The following PTPRD variants were observed in gnomAD, a reference collection of about 807,000 sequenced individuals.
The protein encoded by PTPRD is receptor-type tyrosine-protein phosphatase delta.
PTPRD carries 34 observed loss-of-function variants against 214.5 expected under a neutral mutation model. The ratio of observed to expected loss-of-function variants is 0.16; its 90% CI spans 0.12 to 0.21. The LOEUF (loss-of-function observed/expected upper bound fraction) is 0.21, where lower values mean the gene tolerates loss of function less well. PTPRD is among the 10% of genes least tolerant of loss of function. The probability of loss-of-function intolerance (pLI) is 1.00; values close to 1 mark genes in which losing one functional copy is unlikely to be tolerated. For missense variants in PTPRD, 2,545 were observed against 2,398.7 expected, an observed-to-expected ratio of 1.06 and a Z score of -1.27; for synonymous variants, 1,128 against 845.7, an observed-to-expected ratio of 1.33 and a Z score of -5.79.
At chr9:9,131,629 T>G (rs935868485) in intron 10 of PTPRD, among the ~76,000 whole-genome samples, 4 of 152,186 alleles carry the variant, frequency 2.6e-5, no homozygotes, top group Non-Finnish European at 5.9e-5. Context: ...TGGACTTTGC[T>G]TAAGTATGGA....
chr9:8,352,478 G>T (rs1367079966), intron 39 of PTPRD, among the ~76,000 whole-genome samples: 4 of 152,066 alleles, frequency 2.6e-5, no homozygotes, highest in Non-Finnish European at 4.4e-5. Context: ...ATACAAAATT[G>T]CCCACTTTTT....
chr9:10,028,960 G>A (rs1043440346), intron 4 of PTPRD, among the ~76,000 whole-genome samples: 3 of 152,092 alleles, frequency 2.0e-5, no homozygotes, highest in African/African-American at 4.8e-5. Context: ...GAGATGGCAG[G>A]GTGGGGCCCA....
intron 2 of PTPRD, among the ~76,000 whole-genome samples, chr9:10,484,412 A>G (rs1589215759): frequency 6.6e-6 from 1 of 152,140 alleles, no homozygotes; most frequent in East Asian, 1.9e-4. Flanking sequence ...CTATGTAACC[A>G]AAAACCACTT....
At chr9:9,902,044 G>T (rs540344583) in intron 5 of PTPRD, among the ~76,000 whole-genome samples, 1 of 152,188 alleles carries the variant, frequency 6.6e-6, no homozygotes, top group Non-Finnish European at 1.5e-5. Flanking sequence ...CTAAAATTTA[G>T]CTAATAGGTC....
At chr9:9,909,228 A>C (rs1240687258) in intron 5 of PTPRD, among the ~76,000 whole-genome samples, 1 of 151,872 alleles carries the variant, frequency 6.6e-6, no homozygotes, top group Non-Finnish European at 1.5e-5. Flanking sequence ...CTGTGTGCTT[A>C]GAGTGTATTT....
At chr9:8,690,605 CAA>C (rs1257653430) in intron 12 of PTPRD, among the ~76,000 whole-genome samples, 1 of 151,188 alleles carries the variant, frequency 6.6e-6, no homozygotes, top group Admixed American at 6.6e-5. Flanking sequence ...CAAGAGAACA[CAA>C]TATGTTTCTC....
intron 5 of PTPRD, among the ~76,000 whole-genome samples, chr9:9,916,926 C>CA (rs552395382): frequency 1.3e-5 from 2 of 151,328 alleles, no homozygotes; most frequent in African/African-American, 4.9e-5. Context: ...TGAAATAATA[C>CA]AAATTAATGG....
At chr9:8,555,007 G>T (rs564663049) in intron 14 of PTPRD, among the ~76,000 whole-genome samples, 1 of 152,134 alleles carries the variant, frequency 6.6e-6, no homozygotes, top group South Asian at 2.1e-4. Flanking sequence ...ATAAAAAATT[G>T]TTCCTCCAGA....
At chr9:8,929,611 T>C (rs1389540858) in intron 11 of PTPRD, among the ~76,000 whole-genome samples, 1 of 151,468 alleles carries the variant, frequency 6.6e-6, no homozygotes, top group African/African-American at 2.4e-5. Flanking sequence ...TTGAGGATTT[T>C]TGCATCGATG....
chr9:8,688,438 G>A (rs935198967), intron 12 of PTPRD, among the ~76,000 whole-genome samples: 1 of 151,848 alleles, frequency 6.6e-6, no homozygotes, highest in Admixed American at 6.6e-5. Flanking sequence ...GGTGGTGGGC[G>A]CCTGTAGTCC....
At chr9:8,668,868 C>T (rs75574274) in intron 12 of PTPRD, among the ~76,000 whole-genome samples, 112 of 152,238 alleles carry the variant, frequency 7.4e-4, no homozygotes, top group Middle Eastern at 6.8e-3. Context: ...TTGCAGTGAG[C>T]AAGCCAGAAG....
chr9:10,391,777 A>G (rs924134081), intron 2 of PTPRD, among the ~76,000 whole-genome samples: 7 of 151,732 alleles, frequency 4.6e-5, no homozygotes, highest in African/African-American at 1.2e-4. Flanking sequence ...ACAAATTCCA[A>G]TGGGTTCCCA....
intron 11 of PTPRD, among the ~76,000 whole-genome samples, chr9:8,926,424 A>AT (rs1353141015): frequency 5.9e-5 from 9 of 152,062 alleles, no homozygotes; most frequent in African/African-American, 2.2e-4. Flanking sequence ...ATTTTAGTAA[A>AT]TTTTATCTCG....
At chr9:10,139,785 G>T (rs1182754168) in intron 3 of PTPRD, among the ~76,000 whole-genome samples, 2 of 152,026 alleles carry the variant, frequency 1.3e-5, no homozygotes, top group Non-Finnish European at 2.9e-5. Context: ...AATAAGGAAT[G>T]GGGCAAAGAT....
chr9:8,749,175 AT>A (rs1197178834), intron 11 of PTPRD, among the ~76,000 whole-genome samples: 2 of 151,850 alleles, frequency 1.3e-5, no homozygotes, highest in African/African-American at 4.8e-5. Flanking sequence ...TATAGTTGGG[AT>A]TTTTTGTTTT....
chr9:8,485,498 T>C, intron 28 of PTPRD, 174 bp from the exon 29 acceptor site: 2 of 621,760 alleles, frequency 3.2e-6, no homozygotes, highest in Non-Finnish European at 5.6e-6. Context: ...CTCACAGAGA[T>C]CTTTCCTTTC....
chr9:10,410,795 C>T (rs1407930), intron 2 of PTPRD, among the ~76,000 whole-genome samples: 3,496 of 151,768 alleles, frequency 0.023, 122 homozygotes, highest in African/African-American at 0.079. Flanking sequence ...ATTGGAAATG[C>T]CAAAACCAAC....
chr9:9,538,853 A>T (rs879100000), intron 8 of PTPRD, among the ~76,000 whole-genome samples: 3 of 151,684 alleles, frequency 2.0e-5, no homozygotes, highest in Admixed American at 6.6e-5. Flanking sequence ...TTTTGGTTTA[A>T]TTTTTTCTTT....
chr9:8,992,408 G>C (rs1334170363), intron 11 of PTPRD, among the ~76,000 whole-genome samples: 4 of 152,084 alleles, frequency 2.6e-5, no homozygotes, highest in Non-Finnish European at 5.9e-5. Context: ...GCAAGGAATG[G>C]GGGTTAGCTA....
Sources: gnomAD v4.1 joint callset for allele counts (sites outside exome capture counted in the v4.1 genomes callset) on GRCh38, gnomAD v4.1.1 for gene constraint, MANE v1.5 for transcripts, NCBI Gene and HGNC (gene_info 2026-07-23, HGNC 2026-07-21) for gene names.